PDE7B: variants seen among roughly 807,000 people sequenced by gnomAD.
PDE7B encodes the protein phosphodiesterase 7B.
A neutral mutation model predicts 56.2 loss-of-function variants in PDE7B; 29 were observed. The observed-to-expected ratio is 0.52, with a 90% CI of 0.38 to 0.70. The LOEUF is 0.70. PDE7B is among the 30% of genes least tolerant of loss of function. PDE7B has a pLI of 0.00. For synonymous variants in PDE7B, 197 were observed against 196.9 expected (o/e 1.00, Z 0.00); for missense variants, 490 against 565.0 (o/e 0.87, Z 1.35).
chr6:136,083,590 C>T (rs62431261), intron 2 of PDE7B, among the ~76,000 whole-genome samples: 523 of 152,292 alleles, frequency 3.4e-3, no homozygotes, highest in Non-Finnish European at 5.9e-3. Context: ...ACTTCCCAGC[C>T]ACATTTGAAA....
intron 2 of PDE7B, among the ~76,000 whole-genome samples, chr6:136,056,724 G>T (rs1276877551): frequency 1.3e-5 from 2 of 151,570 alleles, no homozygotes; most frequent in Non-Finnish European, 2.9e-5. Context: ...TAGAGACGGG[G>T]TTTTGCCATG....
chr6:136,069,559 G>C (rs1777010518), intron 2 of PDE7B, among the ~76,000 whole-genome samples: 1 of 152,146 alleles, frequency 6.6e-6, no homozygotes, highest in Admixed American at 6.5e-5. Flanking sequence ...GAGTTTTTAA[G>C]GCATTCAAGA....
chr6:135,906,805 G>C (rs1485215381), intron 1 of PDE7B, among the ~76,000 whole-genome samples: 1 of 69,816 alleles, frequency 1.4e-5, no homozygotes, highest in Non-Finnish European at 2.6e-5. Context: ...ATGTTAATGA[G>C]GTTTGTTTTT....
chr6:136,100,697 T>TA (rs1450393633), intron 2 of PDE7B, among the ~76,000 whole-genome samples: 1 of 152,172 alleles, frequency 6.6e-6, no homozygotes, highest in Non-Finnish European at 1.5e-5. Flanking sequence ...CTAAATATGC[T>TA]ATCATGTCAT....
intron 1 of PDE7B, among the ~76,000 whole-genome samples, chr6:135,865,657 G>GTGTGTGGA (rs1554262863): frequency 6.8e-6 from 1 of 146,742 alleles, no homozygotes; most frequent in African/African-American, 2.5e-5. Flanking sequence ...GTGTATGTGT[G>GTGTGTGGA]GAGAGAGAGA....
chr6:136,186,784 C>G lies in PDE7B; in HGVS notation c.1046-252C>G, dbSNP rs915215526. The stretch of plus-strand genomic sequence containing the variant: ...TGTAGGTCTTGTTCAAAAGTTTATT[C>G]TAGTCCCAGAGCACACCTACTAGCA... On this transcript the variant is annotated intron_variant, in intron 11 of 12. Transcript: ENST00000308191. Among the ~76,000 whole-genome samples, 18 of 152,272 alleles carry G rather than the reference C, an allele frequency of 1.2e-4. 1 individual carries two copies. The highest frequency in any genetic ancestry group is 4.3e-4 in the African/African-American group (18 of 41,556).
chr6:136,063,924 CAT>C (rs1273423515), intron 2 of PDE7B, among the ~76,000 whole-genome samples: 1 of 152,188 alleles, frequency 6.6e-6, no homozygotes, highest in Non-Finnish European at 1.5e-5. Flanking sequence ...TCCTGGCTAA[CAT>C]AATAAATTCC....
intron 7 of PDE7B, among the ~76,000 whole-genome samples, chr6:136,154,473 C>G (rs749074097): frequency 3.3e-5 from 5 of 150,832 alleles, no homozygotes; most frequent in Admixed American, 6.6e-5. Flanking sequence ...ATACCTTCAA[C>G]AGTCCATAGA....
intron 2 of PDE7B, among the ~76,000 whole-genome samples, chr6:136,053,233 G>A (rs546040418): frequency 1.9e-4 from 21 of 113,098 alleles, no homozygotes; most frequent in East Asian, 7.9e-4. Context: ...CAACAGGCCC[G>A]GTGTGTGATG....
intron 2 of PDE7B, among the ~76,000 whole-genome samples, chr6:136,030,420 TTTAC>T (rs746989934): frequency 7.2e-5 from 11 of 152,194 alleles, no homozygotes; most frequent in Non-Finnish European, 1.5e-4. Context: ...TATTGCAAAG[TTTAC>T]TTGATTCAAC....
chr6:136,019,615 G>A (rs1283301332), intron 2 of PDE7B, among the ~76,000 whole-genome samples: 1 of 152,218 alleles, frequency 6.6e-6, no homozygotes. Flanking sequence ...AGGAGAACCA[G>A]CCTCTGCATA....
chr6:135,923,618 A>G (rs1774131638), intron 1 of PDE7B, among the ~76,000 whole-genome samples: 1 of 152,190 alleles, frequency 6.6e-6, no homozygotes, highest in Admixed American at 6.5e-5. Context: ...TGTATTAAGA[A>G]CAATATAAAA....
chr6:136,047,405 G>A (rs1175402385), intron 2 of PDE7B: 1 of 152,220 alleles, frequency 6.6e-6, no homozygotes, highest in East Asian at 1.9e-4. Context: ...TTCTGGTCAG[G>A]TCTGATACAT....
chr6:136,162,752 T>C (rs559162701), intron 8 of PDE7B, among the ~76,000 whole-genome samples: 2 of 152,304 alleles, frequency 1.3e-5, no homozygotes, highest in East Asian at 3.9e-4. Flanking sequence ...GTCACAGGCA[T>C]TGGGTAAATA....
At chr6:136,103,866 A>G (rs1777603640) in intron 2 of PDE7B, among the ~76,000 whole-genome samples, 1 of 152,210 alleles carries the variant, frequency 6.6e-6, no homozygotes, top group African/African-American at 2.4e-5. Flanking sequence ...GACAGGGGCC[A>G]GAGTCTGGTT....
chr6:135,902,599 G>T (rs1010021646), intron 1 of PDE7B, among the ~76,000 whole-genome samples: 2 of 152,120 alleles, frequency 1.3e-5, no homozygotes, highest in African/African-American at 4.8e-5. Context: ...ATGATCATCA[G>T]ATGGACAACT....
chr6:135,935,190 T>TATATATATATATATATATATA (rs1774395141), intron 1 of PDE7B, among the ~76,000 whole-genome samples: 1 of 36,192 alleles, frequency 2.8e-5, no homozygotes, highest in African/African-American at 1.2e-4. Context: ...ATATATTTAT[T>TATATATATATATATATATATA]TATATATATA....
intron 2 of PDE7B, among the ~76,000 whole-genome samples, chr6:136,068,061 G>A (rs1012404960): frequency 2.0e-5 from 3 of 152,158 alleles, no homozygotes; most frequent in East Asian, 1.9e-4. Flanking sequence ...TGCTGTCGAC[G>A]AAAAAGAGTT....
intron 1 of PDE7B, among the ~76,000 whole-genome samples, chr6:135,906,813 T>TTTTTTGTTGTTGTTGTTTG (rs1554265665): frequency 9.1e-6 from 1 of 109,294 alleles, no homozygotes; most frequent in African/African-American, 5.2e-5. Context: ...GAGGTTTGTT[T>TTTTTTGTTGTTGTTGTTTG]TTTTTTTTTT....
Sources: allele counts gnomAD v4.1 joint callset (sites outside exome capture counted in the v4.1 genomes callset), GRCh38; gene constraint gnomAD v4.1.1; transcripts MANE v1.5; gene names NCBI Gene and HGNC (gene_info 2026-07-23, HGNC 2026-07-21).